HTR4: variants seen among roughly 807,000 people sequenced by gnomAD.
HTR4 encodes 5-hydroxytryptamine receptor 4.
A neutral mutation model predicts 36.8 loss-of-function variants in HTR4; 16 were observed. That is an observed-to-expected ratio of 0.43 (90% CI 0.29 to 0.66). The LOEUF is 0.66. Ranked by LOEUF, HTR4 falls within the 30% of genes least tolerant of loss-of-function variation. HTR4 has a pLI of 0.13. For synonymous variants in HTR4, 189 were observed against 185.1 expected (o/e 1.02, Z -0.17); for missense variants, 438 against 490.9 (o/e 0.89, Z 1.02).
intron 5 of HTR4, among the ~76,000 whole-genome samples, chr5:148,458,917 C>T (rs559873895): frequency 6.6e-6 from 1 of 152,236 alleles, no homozygotes; most frequent in East Asian, 1.9e-4. Context: ...GGAGTGAAAA[C>T]CCAGGGGTAA....
intron 4 of HTR4, among the ~76,000 whole-genome samples, chr5:148,527,691 T>C (rs1230653541): frequency 1.3e-5 from 2 of 152,120 alleles, no homozygotes; most frequent in Non-Finnish European, 2.9e-5. Context: ...CTTGGCTCAC[T>C]GCAACCTCCG....
At chr5:148,540,292 T>C (rs1367103807) in intron 4 of HTR4, among the ~76,000 whole-genome samples, 1 of 150,234 alleles carries the variant, frequency 6.7e-6, no homozygotes, top group Admixed American at 6.6e-5. Context: ...ACTTGGGTGA[T>C]GAAATAATGT....
At chr5:148,617,122 C>A (rs1187852977) in intron 2 of HTR4, among the ~76,000 whole-genome samples, 3 of 152,204 alleles carry the variant, frequency 2.0e-5, no homozygotes, top group Admixed American at 1.3e-4. Context: ...GTGGCTGGAT[C>A]ATGAGGATAG....
chr5:148,573,137 G>A (rs1016330786), intron 2 of HTR4, among the ~76,000 whole-genome samples: 3 of 151,984 alleles, frequency 2.0e-5, no homozygotes, highest in African/African-American at 2.4e-5. Context: ...CCTAGTCAGG[G>A]AAGATACTGG....
chr5:148,518,478 C>T (rs1378561949), intron 5 of HTR4, among the ~76,000 whole-genome samples: 2 of 152,164 alleles, frequency 1.3e-5, no homozygotes, highest in East Asian at 1.9e-4. Context: ...TTAGCGTTAG[C>T]ATCATCACTT....
At position 148,550,044 on chromosome 5, in the gene HTR4, A is replaced by G. The variant is rs955716672; in HGVS notation, c.152+93T>C. ...GTTCCCATGAATGTTTTCTTTCTTAATTACAAATTCTAATAGAAATGTTCA... is the reference window on the plus strand; with the variant it reads ...GTTCCCATGAATGTTTTCTTTCTTAGTTACAAATTCTAATAGAAATGTTCA... On this transcript the variant is annotated intron_variant, in intron 3 of 6. Coordinates refer to ENST00000377888, the MANE Select transcript of HTR4 (RefSeq NM_000870.7). 14 of 1,309,596 alleles carry G rather than the reference A, an allele frequency of 1.1e-5. No homozygotes were observed. In the African/African-American group the frequency reaches 2.1e-4, roughly 19 times the overall value. The allele number at this position is 1,309,596 out of a possible 1,614,324, so 81.1% of individuals were successfully genotyped here.
At chr5:148,583,470 G>T (rs1485537527) in intron 2 of HTR4, among the ~76,000 whole-genome samples, 1 of 151,116 alleles carries the variant, frequency 6.6e-6, no homozygotes, top group African/African-American at 2.4e-5. Context: ...TTGATATTTT[G>T]CAGAAAAAAA....
intron 2 of HTR4, among the ~76,000 whole-genome samples, chr5:148,578,413 A>C (rs373288190): frequency 6.6e-6 from 1 of 152,084 alleles, no homozygotes; most frequent in Non-Finnish European, 1.5e-5. Context: ...GTTAGTTATT[A>C]GTTCTTTTCC....
At chr5:148,586,101 TACTA>T (rs1295578155) in intron 2 of HTR4, among the ~76,000 whole-genome samples, 2 of 152,128 alleles carry the variant, frequency 1.3e-5, no homozygotes, top group African/African-American at 4.8e-5. Flanking sequence ...GAAATTAACT[TACTA>T]ACTTTTTTTC....
At chr5:148,528,129 AG>A in intron 4 of HTR4, among the ~76,000 whole-genome samples, 1 of 152,186 alleles carries the variant, frequency 6.6e-6, no homozygotes, top group Non-Finnish European at 1.5e-5. Context: ...CAATAAGTAA[AG>A]GGGGAAAAAG....
At chr5:148,652,046 C>T (rs1754055165) in intron 1 of HTR4, among the ~76,000 whole-genome samples, 3 of 152,054 alleles carry the variant, frequency 2.0e-5, no homozygotes, top group South Asian at 4.1e-4. Flanking sequence ...AGTCATTATC[C>T]AGATTCTTCT....
At chr5:148,476,009 C>G (rs910315509), downstream of HTR4, among the ~76,000 whole-genome samples, 3 of 152,214 alleles carry the variant, frequency 2.0e-5, no homozygotes, top group African/African-American at 7.2e-5. Flanking sequence ...TAACCAAAGA[C>G]AGTTTCTCAA....
At chr5:148,462,640 G>C (rs771645981) in intron 5 of HTR4, among the ~76,000 whole-genome samples, 2 of 152,010 alleles carry the variant, frequency 1.3e-5, no homozygotes, top group Admixed American at 6.6e-5. Flanking sequence ...GATACAAGCA[G>C]AGAGAATACT....
At chr5:148,568,042 A>G (rs1363180404) in intron 2 of HTR4, among the ~76,000 whole-genome samples, 1 of 152,130 alleles carries the variant, frequency 6.6e-6, no homozygotes, top group East Asian at 1.9e-4. Context: ...TACTACTACA[A>G]CATGTGATTA....
Position 148,523,294 on chromosome 5 carries a change from G to A in HTR4, c.406C>T (p.Leu136=). The part of the protein sequence containing the change: ...PLVYRNKMTP[L]RIALMLGGCW... ...CCTCCCAGCATTAATGCGATGCGCA[G>A]AGGGGTCATCTTGTTCCTATAGACC... The change falls in exon 5 of 7, where the codon CTG becomes TTG. Residue 136 remains leucine, a synonymous_variant. Coordinates refer to ENST00000377888, the MANE Select transcript of HTR4 (RefSeq NM_000870.7). 6.2e-7 allele frequency: 1 copy of A among 1,613,324 alleles called. No individual in the cohort carries two copies. Among genetic ancestry groups the A allele is most frequent in the East Asian group, 2.2e-5 (1 of 44,804 alleles).
intron 6 of HTR4, among the ~76,000 whole-genome samples, chr5:148,508,802 A>G (rs1021071969): frequency 1.1e-4 from 16 of 152,296 alleles, no homozygotes; most frequent in African/African-American, 3.6e-4. Context: ...TATTGGTCCT[A>G]ATATTAAATA....
intron 5 of HTR4, among the ~76,000 whole-genome samples, chr5:148,454,425 C>G (rs1397367746): frequency 6.6e-6 from 1 of 152,208 alleles, no homozygotes; most frequent in Admixed American, 6.5e-5. Context: ...GTTATTTAAT[C>G]TCTCTATACC....
At chr5:148,456,604 A>G (rs926348179) in intron 5 of HTR4, among the ~76,000 whole-genome samples, 1 of 152,220 alleles carries the variant, frequency 6.6e-6, no homozygotes, top group African/African-American at 2.4e-5. Context: ...AACATCTACA[A>G]ATGCCTTAAC....
At chr5:148,574,260 AGACAG>A (rs1760795512) in intron 2 of HTR4, among the ~76,000 whole-genome samples, 2 of 152,116 alleles carry the variant, frequency 1.3e-5, no homozygotes, top group Admixed American at 1.3e-4. Context: ...ATTCAGCTAC[AGACAG>A]GACAGCAAAT....
Sources: gnomAD v4.1 joint callset for allele counts (sites outside exome capture counted in the v4.1 genomes callset) on GRCh38, gnomAD v4.1.1 for gene constraint, MANE v1.5 for transcripts, NCBI Gene and HGNC (gene_info 2026-07-23, HGNC 2026-07-21) for gene names.